The following MEGF9 variants were observed in gnomAD, a reference collection of about 807,000 sequenced individuals.
MEGF9 encodes multiple epidermal growth factor-like domains protein 9.
A neutral mutation model predicts 46.8 loss-of-function variants in MEGF9; 6 were observed. The observed-to-expected ratio is 0.13, with a 90% CI of 0.07 to 0.25. The LOEUF is 0.25. MEGF9 is among the 10% of genes least tolerant of loss of function. The probability of loss-of-function intolerance (pLI) is 1.00; values close to 1 mark genes in which losing one functional copy is unlikely to be tolerated. For synonymous variants in MEGF9, 302 were observed against 330.7 expected, an observed-to-expected ratio of 0.91 and a Z score of 0.94; for missense variants, 683 against 792.4, an observed-to-expected ratio of 0.86 and a Z score of 1.66.
At chr9:120,637,639 A>G (rs2043583953) in intron 2 of MEGF9, among the ~76,000 whole-genome samples, 1 of 151,530 alleles carries the variant, frequency 6.6e-6, no homozygotes, top group African/African-American at 2.4e-5. Context: ...TAAAAATACA[A>G]AAATTAGCTG....
At chr9:120,692,679 T>A (rs935174744) in intron 1 of MEGF9, among the ~76,000 whole-genome samples, 5 of 152,124 alleles carry the variant, frequency 3.3e-5, no homozygotes, top group African/African-American at 1.2e-4. Flanking sequence ...TCATGTACCT[T>A]TTCCTCCCCT....
chr9:120,658,421 A>G (rs1301214704), intron 2 of MEGF9, among the ~76,000 whole-genome samples: 2 of 152,264 alleles, frequency 1.3e-5, no homozygotes, highest in African/African-American at 4.8e-5. Flanking sequence ...TTCTTAAAAC[A>G]TGTTCTCTCA....
At chr9:120,647,110 A>T (rs1184482209) in intron 2 of MEGF9, among the ~76,000 whole-genome samples, 1 of 152,106 alleles carries the variant, frequency 6.6e-6, no homozygotes. Context: ...GTGACATGTT[A>T]ATGTTCACAA....
intron 1 of MEGF9, among the ~76,000 whole-genome samples, chr9:120,712,600 T>C (rs2043958898): frequency 6.6e-6 from 1 of 152,216 alleles, no homozygotes; most frequent in African/African-American, 2.4e-5. Flanking sequence ...ATCCTACTTA[T>C]GTCATTGCCA....
At chr9:120,622,843 C>A in intron 2 of MEGF9, 88 bp from the exon 3 acceptor site, 1 of 1,373,802 alleles carries the variant, frequency 7.3e-7, no homozygotes. Context: ...GAAAGCCCAG[C>A]TCATGTAAAT....
At chr9:120,695,268 G>A (rs529899599) in intron 1 of MEGF9, among the ~76,000 whole-genome samples, 2 of 152,190 alleles carry the variant, frequency 1.3e-5, no homozygotes, top group South Asian at 4.1e-4. Context: ...AGAGGAGTCA[G>A]TTACATAGAC....
chr9:120,662,927 G>A (rs918817357), intron 1 of MEGF9, among the ~76,000 whole-genome samples: 1 of 152,170 alleles, frequency 6.6e-6, no homozygotes, highest in Non-Finnish European at 1.5e-5. Context: ...ACTTATACCA[G>A]GCTCCACTCA....
chr9:120,638,314 A>G (rs759019607), intron 2 of MEGF9, among the ~76,000 whole-genome samples: 2 of 152,164 alleles, frequency 1.3e-5, no homozygotes, highest in Non-Finnish European at 2.9e-5. Flanking sequence ...ATTAATACCT[A>G]ATTTTTGTAT....
chr9:120,677,062 G>C (rs868499397), intron 1 of MEGF9, among the ~76,000 whole-genome samples: 1 of 152,188 alleles, frequency 6.6e-6, no homozygotes, highest in South Asian at 2.1e-4. Context: ...GGAGCAAAAA[G>C]AAGAAGAAAT....
chr9:120,609,080 C>T (rs2043433125), intron 4 of MEGF9, among the ~76,000 whole-genome samples: 1 of 152,178 alleles, frequency 6.6e-6, no homozygotes. Flanking sequence ...TCCCTAACTC[C>T]TTCAGGATTA....
In MEGF9 at chr9:120,663,707, G is replaced by A. The variant is rs549098531; in HGVS notation, c.602-4132C>T. 1.1e-4 allele frequency among the ~76,000 whole-genome samples: 16 copies of A among 152,284 alleles called. No homozygotes were observed. In the South Asian group the frequency reaches 1.9e-3, roughly 18 times the overall value. ...TGCAGACAAGTATGAATAAGATGCC[G>A]AACAGCTCATTCAATTGCCTAAAAG... On this transcript the variant is annotated intron_variant, in intron 1 of 5. Transcript: ENST00000373930.
chr9:120,705,649 A>G (rs1356393474), intron 1 of MEGF9, among the ~76,000 whole-genome samples: 1 of 152,116 alleles, frequency 6.6e-6, no homozygotes, highest in East Asian at 1.9e-4. Context: ...CAAATTTATC[A>G]CATGTACTCA....
chr9:120,705,917 C>A (rs764183970), intron 1 of MEGF9, among the ~76,000 whole-genome samples: 1 of 149,862 alleles, frequency 6.7e-6, no homozygotes, highest in African/African-American at 2.5e-5. Flanking sequence ...TATATCACAC[C>A]TAAAAAAAAC....
intron 1 of MEGF9, among the ~76,000 whole-genome samples, chr9:120,709,816 C>T (rs895360741): frequency 6.6e-6 from 1 of 151,762 alleles, no homozygotes; most frequent in African/African-American, 2.4e-5. Context: ...TGGGAGGCCG[C>T]GGTGGGCAGA....
intron 1 of MEGF9, among the ~76,000 whole-genome samples, chr9:120,688,718 T>C (rs575779414): frequency 2.3e-4 from 35 of 152,194 alleles, no homozygotes; most frequent in Non-Finnish European, 3.7e-4. Context: ...CAATTTTAGA[T>C]AGGATGGACA....
chr9:120,609,281 T>C (rs904593007), intron 4 of MEGF9, among the ~76,000 whole-genome samples: 2 of 134,088 alleles, frequency 1.5e-5, no homozygotes, highest in Admixed American at 1.7e-4. Context: ...TACTACTTTC[T>C]CTGCATGGGA....
At chr9:120,713,727 G>A (rs765665023) in intron 1 of MEGF9, 31 bp downstream of exon 1, 6 of 1,278,604 alleles carry the variant, frequency 4.7e-6, no homozygotes, top group African/African-American at 4.5e-5. Context: ...GGTGAGGACG[G>A]GTCCTGCCCG....
At position 120,605,669 on chromosome 9, in the gene MEGF9, T is replaced by C; in HGVS notation, c.1358-28A>G. The C allele has an allele frequency of 1.4e-6, 2 of 1,468,114 alleles. No individual in the cohort carries two copies. The highest frequency in any genetic ancestry group is 2.8e-5 in the African/African-American group (2 of 70,468). The allele number at this position is 1,468,114 out of a possible 1,614,324, so 90.9% of individuals were successfully genotyped here. A position where few individuals can be genotyped will look rare whatever the true frequency, so the allele number is the denominator to read the frequency against. On this transcript the variant is annotated intron_variant, in intron 5 of 5. Coordinates refer to ENST00000373930, the MANE Select transcript of MEGF9 (RefSeq NM_001080497.3). This position sits in a 1 kb window ranked among gnomAD's most constrained non-coding sequence, Gnocchi z 4.0. ...GAAAATAAAAACAGAGAATGAAATG[T>C]AAAAGACAAAATTATCTAGTTTTGA...
At chr9:120,674,728 T>C (rs2043765106) in intron 1 of MEGF9, among the ~76,000 whole-genome samples, 1 of 151,900 alleles carries the variant, frequency 6.6e-6, no homozygotes, top group African/African-American at 2.4e-5. Flanking sequence ...ACCATCATGC[T>C]TGCCTAATTT....
Sources: gnomAD v4.1 joint callset for allele counts (sites outside exome capture counted in the v4.1 genomes callset) on GRCh38, gnomAD v4.1.1 for gene constraint, Gnocchi (gnomAD v3.1) non-coding constraint, MANE v1.5 for transcripts, NCBI Gene and HGNC (gene_info 2026-07-23, HGNC 2026-07-21) for gene names.